GARNL3: variants seen among roughly 807,000 people sequenced by gnomAD.
GARNL3 encodes the protein GTPase-activating Rap/Ran-GAP domain-like protein 3.
GARNL3 carries 63 observed loss-of-function variants against 125.0 expected under a neutral mutation model. That is an observed-to-expected ratio of 0.50 (90% CI 0.41 to 0.62). GARNL3 has a LOEUF of 0.62. Among genes scored for constraint, GARNL3 ranks in the 20% least tolerant of loss-of-function variants. The pLI is 0.00. For synonymous variants in GARNL3, 439 were observed against 457.5 expected (o/e 0.96, Z 0.52); for missense variants, 994 against 1,244.0 (o/e 0.80, Z 3.02).
intron 22 of GARNL3, among the ~76,000 whole-genome samples, chr9:127,372,013 AC>A (rs1290704906): frequency 6.6e-6 from 1 of 152,094 alleles, no homozygotes; most frequent in Non-Finnish European, 1.5e-5. Flanking sequence ...GCTCACGGAA[AC>A]CTCCGCCTCC....
intron 24 of GARNL3, among the ~76,000 whole-genome samples, chr9:127,386,506 A>G (rs914066456): frequency 6.6e-6 from 1 of 152,122 alleles, no homozygotes; most frequent in Non-Finnish European, 1.5e-5. Flanking sequence ...ATTATCCCCC[A>G]TGGTGCAGTA....
Position 127,314,645 on chromosome 9 carries a change from C to T in GARNL3, c.438+1086C>T, listed in dbSNP as rs149757916. ...GAATGGACTTTCTCAATGTCCATAT[C>T]TTCTTCCTCCAGGAAGTAGCAATCA... is the stretch of plus-strand genomic sequence containing the variant. On this transcript the variant is annotated intron_variant, in intron 4 of 27. Coordinates refer to ENST00000373387, the MANE Select transcript of GARNL3 (RefSeq NM_032293.5). 4.1e-3 allele frequency among the ~76,000 whole-genome samples: 621 copies of T among 150,320 alleles called. 7 individuals carry two copies. The highest frequency in any genetic ancestry group is 0.014 in the African/African-American group (590 of 41,078).
Position 127,392,315 on chromosome 9 carries a change from T to C in GARNL3, c.2871-768T>C, listed in dbSNP as rs900737791. ...AGTGCTACAAGAAATTGAGAAGAAG[T>C]GACGGGGCTGGCACATAGAAGGTCT... On this transcript the variant is annotated intron_variant, in intron 27 of 27. Transcript: ENST00000373387. This position sits in a 1 kb window ranked among gnomAD's most constrained non-coding sequence, Gnocchi z 5.2. 6.6e-6 allele frequency among the ~76,000 whole-genome samples: 1 copy of C among 152,124 alleles called. No individual in the cohort carries two copies. Among genetic ancestry groups the C allele is most frequent in the African/African-American group, 2.4e-5 (1 of 41,408 alleles).
chr9:127,243,353 A>G (rs879075116), intron 2 of GARNL3: 4 of 923,962 alleles, frequency 4.3e-6, no homozygotes, highest in Non-Finnish European at 6.1e-6. Context: ...CTGGGGGGAT[A>G]GTGGGGAGGG....
rs574936514 is a variant in GARNL3 at position 127,266,582 on chromosome 9, T to A, written c.144+1561T>A. On this transcript the variant is annotated intron_variant, in intron 1 of 27. Transcript: ENST00000373387. This position sits in a 1 kb window ranked among gnomAD's most constrained non-coding sequence, Gnocchi z 4.0. ...GTTTCATCATTCACTAATTGTATGA[T>A]CTTGGACTTCCTTTAGCATCAGTTT... 6.6e-6 allele frequency among the ~76,000 whole-genome samples: 1 copy of A among 152,350 alleles called. No individual in the cohort carries two copies. Among genetic ancestry groups the A allele is most frequent in the South Asian group, 2.1e-4 (1 of 4,830 alleles).
intron 2 of GARNL3, among the ~76,000 whole-genome samples, chr9:127,294,865 G>C (rs552350616): frequency 6.6e-6 from 1 of 152,192 alleles, no homozygotes; most frequent in African/African-American, 2.4e-5. Flanking sequence ...GGCAGGGAGA[G>C]CCATCAGTAA....
Position 127,272,967 on chromosome 9 carries a change from A to T in GARNL3, c.144+7946A>T, listed in dbSNP as rs2063860446. On this transcript the variant is annotated intron_variant, in intron 1 of 27. Transcript: ENST00000373387. ...TTTTTATACATTAGAATGGAATCAG[A>T]AATCTTTTATTATGGTTATTATTTT... is the stretch of plus-strand genomic sequence containing the variant. Among the ~76,000 whole-genome samples, 3 of 152,160 alleles carry T rather than the reference A, an allele frequency of 2.0e-5. No individual in the cohort carries two copies. In the South Asian group the frequency reaches 6.2e-4, roughly 32 times the overall value.
intron 2 of GARNL3, among the ~76,000 whole-genome samples, chr9:127,306,591 G>A (rs1251841646): frequency 6.6e-6 from 1 of 152,172 alleles, no homozygotes; most frequent in East Asian, 1.9e-4. Flanking sequence ...GCCGGGCGTG[G>A]TGGCAGGCGC....
intron 17 of GARNL3, among the ~76,000 whole-genome samples, chr9:127,350,036 A>G (rs546832822): frequency 5.9e-5 from 9 of 152,338 alleles, no homozygotes; most frequent in African/African-American, 1.7e-4. Flanking sequence ...CTTCTGAAGC[A>G]TGATAGGAGA....
chr9:127,362,472 G>GT (rs1303235302), intron 21 of GARNL3: 1 of 152,226 alleles, frequency 6.6e-6, no homozygotes, highest in Non-Finnish European at 1.5e-5. Flanking sequence ...GCAGGACTTG[G>GT]ACCCCAGCTG....
chr9:127,342,365 C>T, intron 14 of GARNL3, 31 bp downstream of exon 14: 1 of 1,389,368 alleles, frequency 7.2e-7, no homozygotes, highest in Non-Finnish European at 1.0e-6. Context: ...TTCTTTCCTT[C>T]TTATGGGGTC....
chr9:127,292,994 T>G (rs1295759799), intron 2 of GARNL3, among the ~76,000 whole-genome samples: 1 of 152,266 alleles, frequency 6.6e-6, no homozygotes, highest in Non-Finnish European at 1.5e-5. Context: ...CTCAAATTGC[T>G]TCTCTGGAAA....
intron 21 of GARNL3, among the ~76,000 whole-genome samples, chr9:127,359,926 C>T (rs1830894090): frequency 6.6e-6 from 1 of 152,054 alleles, no homozygotes; most frequent in Admixed American, 6.5e-5. Context: ...TTTTGGATGG[C>T]TGTCAGGAAC....
intron 21 of GARNL3, 168 bp from the exon 22 acceptor site, chr9:127,365,132 A>G (rs1403622816): frequency 2.3e-5 from 14 of 613,352 alleles, no homozygotes; most frequent in Non-Finnish European, 4.2e-5. Context: ...CCATTGTATT[A>G]TAATCCCAGC....
chr9:127,229,055 C>T (rs1260787058), intron 1 of GARNL3, among the ~76,000 whole-genome samples: 1 of 152,164 alleles, frequency 6.6e-6, no homozygotes, highest in East Asian at 1.9e-4. Context: ...AACTCCTGAC[C>T]TCAAGTGATC....
intron 9 of GARNL3, among the ~76,000 whole-genome samples, chr9:127,333,716 G>T (rs2131577983): frequency 6.6e-6 from 1 of 152,268 alleles, no homozygotes; most frequent in Admixed American, 6.5e-5. Context: ...AACATGTTGT[G>T]TTCTAGAAAC....
At chr9:127,240,516 C>G (rs1161158079) in intron 1 of GARNL3, among the ~76,000 whole-genome samples, 1 of 152,228 alleles carries the variant, frequency 6.6e-6, no homozygotes, top group Non-Finnish European at 1.5e-5. Flanking sequence ...GTGGGGACAA[C>G]TCTGAGATGT....
intron 10 of GARNL3, among the ~76,000 whole-genome samples, chr9:127,335,613 G>A (rs1829510053): frequency 6.6e-6 from 1 of 151,938 alleles, no homozygotes; most frequent in South Asian, 2.1e-4. Context: ...GTGTGAGTGT[G>A]GTTTCATAGA....
At chr9:127,351,171 G>A (rs564037634) in intron 17 of GARNL3, among the ~76,000 whole-genome samples, 7 of 152,236 alleles carry the variant, frequency 4.6e-5, no homozygotes, top group Admixed American at 2.0e-4. Flanking sequence ...ATGACTATTC[G>A]TAAGCTTGCC....
Sources: gnomAD v4.1 joint callset for allele counts (sites outside exome capture counted in the v4.1 genomes callset) on GRCh38, gnomAD v4.1.1 for gene constraint, Gnocchi (gnomAD v3.1) non-coding constraint, MANE v1.5 for transcripts, NCBI Gene and HGNC (gene_info 2026-07-23, HGNC 2026-07-21) for gene names.